TFEC: variants seen among roughly 807,000 people sequenced by gnomAD.
TFEC encodes class E basic helix-loop-helix protein 34.
A neutral mutation model predicts 41.6 loss-of-function variants in TFEC; 31 were observed. The observed-to-expected ratio is 0.74, with a 90% CI of 0.56 to 1.01. The LOEUF (loss-of-function observed/expected upper bound fraction) is 1.01. Among genes scored for constraint, TFEC ranks in the 50% least tolerant of loss-of-function variants. TFEC has a pLI of 0.00. For synonymous variants in TFEC, 143 were observed against 140.6 expected (o/e 1.02, Z -0.12); for missense variants, 402 against 404.1 (o/e 0.99, Z 0.04).
intron 3 of TFEC, among the ~76,000 whole-genome samples, chr7:116,074,251 CAT>C (rs1249640362): frequency 6.6e-6 from 1 of 151,540 alleles, no homozygotes; most frequent in Non-Finnish European, 1.5e-5. Flanking sequence ...CACACACACA[CAT>C]ATATAAATGG....
At chr7:116,047,880 GTGGAC>G (rs1273622853) in intron 3 of TFEC, among the ~76,000 whole-genome samples, 8 of 152,318 alleles carry the variant, frequency 5.3e-5, no homozygotes, top group Admixed American at 4.6e-4. Context: ...AGGGTCTGCA[GTGGAC>G]CTCCAGCAAA....
chr7:115,949,682 C>T (rs1425907104), intron 6 of TFEC, among the ~76,000 whole-genome samples: 1 of 151,906 alleles, frequency 6.6e-6, no homozygotes, highest in Non-Finnish European at 1.5e-5. Flanking sequence ...TTCCTTACAC[C>T]TTATACAAAA....
At chr7:115,959,953 C>A (rs1455914539) in intron 3 of TFEC, among the ~76,000 whole-genome samples, 2 of 151,310 alleles carry the variant, frequency 1.3e-5, no homozygotes, top group East Asian at 1.9e-4. Context: ...GTAACGGAGA[C>A]ACATTTTTAA....
chr7:116,062,048 A>G (rs993805959), intron 3 of TFEC, among the ~76,000 whole-genome samples: 2 of 150,486 alleles, frequency 1.3e-5, no homozygotes, highest in East Asian at 2.0e-4. Flanking sequence ...CTAGTCCCCA[A>G]AGTCTACTGT....
In TFEC at chr7:116,152,319, G is replaced by T. The variant is rs190132049; in HGVS notation, c.-69+7471C>A. Reference sequence around the variant, plus strand: ...CTAGGGAATAAACCCAAGAAGAGGGGATCTAAACAGAGTCCAGTGTTCTTT... The same window carrying T: ...CTAGGGAATAAACCCAAGAAGAGGGTATCTAAACAGAGTCCAGTGTTCTTT... On this transcript the variant is annotated intron_variant, in intron 1 of 8. Coordinates refer to the TFEC transcript ENST00000484212. Among the ~76,000 whole-genome samples, 219 of 152,328 alleles carry T rather than the reference G, an allele frequency of 1.4e-3. 1 individual carries two copies. The highest frequency in any genetic ancestry group is 4.5e-3 in the Admixed American group (69 of 15,296).
chr7:116,143,232 A>G (rs1798576826), intron 1 of TFEC, among the ~76,000 whole-genome samples: 1 of 152,198 alleles, frequency 6.6e-6, no homozygotes, highest in Non-Finnish European at 1.5e-5. Context: ...ATACTGGTTG[A>G]CCTTCAGGAG....
chr7:116,087,675 A>C (rs1250272874), intron 3 of TFEC, among the ~76,000 whole-genome samples: 1 of 152,060 alleles, frequency 6.6e-6, no homozygotes, highest in Non-Finnish European at 1.5e-5. Context: ...GGTTTCAGGG[A>C]TAAGGGAGAT....
chr7:116,107,397 T>C (rs766993763), intron 3 of TFEC, among the ~76,000 whole-genome samples: 16 of 152,302 alleles, frequency 1.1e-4, no homozygotes, highest in African/African-American at 3.4e-4. Flanking sequence ...CCAGCAAATG[T>C]TCCCTAGAAT....
At chr7:116,133,310 G>C (rs1314356111) in intron 1 of TFEC, among the ~76,000 whole-genome samples, 2 of 152,154 alleles carry the variant, frequency 1.3e-5, no homozygotes, top group Admixed American at 6.5e-5. Context: ...AGCACTTTGG[G>C]GGGCCAAGGC....
At chr7:116,090,412 A>C (rs547312739) in intron 3 of TFEC, among the ~76,000 whole-genome samples, 23 of 152,050 alleles carry the variant, frequency 1.5e-4, no homozygotes, top group Admixed American at 5.2e-4. Context: ...GTGTACTTTC[A>C]TTTTCAGTAA....
chr7:116,065,517 G>C lies in TFEC; in HGVS notation c.198+45191C>G, dbSNP rs556537628. 6.6e-5 allele frequency among the ~76,000 whole-genome samples: 10 copies of C among 152,132 alleles called. No individual in the cohort carries two copies. The South Asian group carries it at 1.9e-3, about 28-fold the overall frequency. On this transcript the variant is annotated intron_variant, in intron 3 of 8. Coordinates refer to the TFEC transcript ENST00000484212. ...TGAGTGGAGGAAAGAGGTGATTTCT[G>C]GTCCTTTGAACTGGGAAGTCAGTTG...
chr7:116,063,419 C>T (rs888735478), intron 3 of TFEC, among the ~76,000 whole-genome samples: 3 of 152,012 alleles, frequency 2.0e-5, no homozygotes, highest in African/African-American at 7.2e-5. Flanking sequence ...GAGTTCAAGA[C>T]TAGCCTGGCC....
At chr7:116,033,560 T>C (rs1425711386), upstream of TFEC, among the ~76,000 whole-genome samples, 2 of 152,116 alleles carry the variant, frequency 1.3e-5, no homozygotes, top group African/African-American at 4.8e-5. Flanking sequence ...CCTCCATGTC[T>C]ATCCACTCCC....
intron 3 of TFEC, among the ~76,000 whole-genome samples, chr7:116,083,481 T>G (rs186088744): frequency 2.0e-4 from 30 of 152,016 alleles, no homozygotes; most frequent in African/African-American, 6.7e-4. Flanking sequence ...GATCATCAAG[T>G]AAATAAAGGG....
intron 3 of TFEC, among the ~76,000 whole-genome samples, chr7:116,046,051 A>G (rs1182604389): frequency 1.3e-5 from 2 of 152,158 alleles, no homozygotes; most frequent in African/African-American, 2.4e-5. Flanking sequence ...CCTCCATTGT[A>G]TCTAGGAAGA....
intron 1 of TFEC, among the ~76,000 whole-genome samples, chr7:116,006,422 T>C (rs556114204): frequency 6.6e-6 from 1 of 152,116 alleles, no homozygotes; most frequent in Non-Finnish European, 1.5e-5. Context: ...TCAAAGGAGA[T>C]CATTTTGGAA....
chr7:115,960,114 A>C (rs937446980), intron 3 of TFEC, among the ~76,000 whole-genome samples: 1 of 151,490 alleles, frequency 6.6e-6, no homozygotes, highest in Non-Finnish European at 1.5e-5. Flanking sequence ...AAATGAAATA[A>C]TATACAATAA....
At chr7:116,128,056 T>A (rs1255282550) in intron 1 of TFEC, among the ~76,000 whole-genome samples, 1 of 152,222 alleles carries the variant, frequency 6.6e-6, no homozygotes, top group African/African-American at 2.4e-5. Context: ...TCAAATTACA[T>A]AACTTTTCTA....
chr7:116,086,378 T>A (rs1197542058), intron 3 of TFEC, among the ~76,000 whole-genome samples: 4 of 151,770 alleles, frequency 2.6e-5, no homozygotes, highest in African/African-American at 9.7e-5. Flanking sequence ...AAAAGCCAAC[T>A]CCAAATAACC....
Sources: allele counts gnomAD v4.1 joint callset (sites outside exome capture counted in the v4.1 genomes callset), GRCh38; gene constraint gnomAD v4.1.1; transcripts MANE v1.5; gene names NCBI Gene and HGNC (gene_info 2026-07-23, HGNC 2026-07-21).